NALF1: variants seen among roughly 807,000 people sequenced by gnomAD.
NALF1 encodes NALCN channel auxiliary factor 1, also known as family with sequence similarity 155 member A.
In NALF1, 3 loss-of-function variants were observed where a neutral mutation model predicts 48.4. The observed-to-expected ratio is 0.06, with a 90% CI of 0.03 to 0.16. The LOEUF (loss-of-function observed/expected upper bound fraction) is 0.16, where lower values mean the gene tolerates loss of function less well. Ranked by LOEUF, NALF1 falls within the 10% of genes least tolerant of loss-of-function variation. NALF1 has a pLI of 1.00. For missense variants in NALF1, 526 were observed against 571.5 expected (o/e 0.92, Z 0.81); for synonymous variants, 262 against 245.7 (o/e 1.07, Z -0.62).
chr13:107,356,973 C>G (rs990348219), intron 1 of NALF1, among the ~76,000 whole-genome samples: 1 of 152,114 alleles, frequency 6.6e-6, no homozygotes, highest in Non-Finnish European at 1.5e-5. Context: ...ACTGTTGCAA[C>G]AAACATTTGG....
chr13:107,759,702 C>G (rs1877211460), intron 1 of NALF1, among the ~76,000 whole-genome samples: 1 of 152,126 alleles, frequency 6.6e-6, no homozygotes, highest in Non-Finnish European at 1.5e-5. Context: ...CCTTACTGTT[C>G]AGTGTCTCTG....
chr13:107,751,518 A>G (rs900739950), intron 1 of NALF1, among the ~76,000 whole-genome samples: 8 of 152,230 alleles, frequency 5.3e-5, no homozygotes, highest in East Asian at 1.9e-4. Flanking sequence ...CACTGCATAC[A>G]TGCACAATTT....
At chr13:107,538,976 T>C (rs1214209700) in intron 1 of NALF1, among the ~76,000 whole-genome samples, 1 of 149,818 alleles carries the variant, frequency 6.7e-6, no homozygotes, top group Non-Finnish European at 1.5e-5. Flanking sequence ...TTCATTCATT[T>C]TGCTCTCAAA....
intron 1 of NALF1, among the ~76,000 whole-genome samples, chr13:107,581,385 C>T (rs949652276): frequency 2.6e-5 from 4 of 152,166 alleles, no homozygotes; most frequent in Non-Finnish European, 5.9e-5. Flanking sequence ...CTTTGAGCTT[C>T]CTACTTAGCA....
intron 1 of NALF1, among the ~76,000 whole-genome samples, chr13:107,698,187 T>G (rs998613040): frequency 1.4e-4 from 21 of 152,312 alleles, no homozygotes; most frequent in Non-Finnish European, 2.2e-4. Flanking sequence ...TGATAGAAAT[T>G]TAAGTTGTTT....
intron 1 of NALF1, among the ~76,000 whole-genome samples, chr13:107,235,785 A>G (rs560596495): frequency 6.6e-6 from 1 of 152,320 alleles, no homozygotes; most frequent in East Asian, 1.9e-4. Flanking sequence ...CTTTCCATCA[A>G]GCATTTTCTA....
rs9559076 is a variant in NALF1 at position 107,586,366 on chromosome 13, T to C, written c.915+279316A>G. On this transcript the variant is annotated intron_variant, in intron 1 of 2. Transcript: ENST00000375915. ...TACTAATAAAGATCCTGGCAGTCAATGCAGCTTGAAGACATATGAGTCTAC... is the reference window on the plus strand; with the variant it reads ...TACTAATAAAGATCCTGGCAGTCAACGCAGCTTGAAGACATATGAGTCTAC... Among the ~76,000 whole-genome samples the C allele has an allele frequency of 0.02, 3,116 of 152,180 alleles. 213 individuals carry two copies. The East Asian group carries it at 0.26, about 13-fold the overall frequency.
At chr13:107,346,339 A>G (rs559240623) in intron 1 of NALF1, among the ~76,000 whole-genome samples, 2 of 152,350 alleles carry the variant, frequency 1.3e-5, no homozygotes, top group South Asian at 2.1e-4. Flanking sequence ...TGTTCACTAC[A>G]GCATTATACG....
At chr13:107,429,258 G>C (rs1339420528) in intron 1 of NALF1, among the ~76,000 whole-genome samples, 1 of 151,424 alleles carries the variant, frequency 6.6e-6, no homozygotes, top group Non-Finnish European at 1.5e-5. Context: ...GGACATGGAG[G>C]TTGCAGTGAG....
chr13:107,751,038 A>AAT (rs1876924085), intron 1 of NALF1, among the ~76,000 whole-genome samples: 1 of 152,254 alleles, frequency 6.6e-6, no homozygotes, highest in Admixed American at 6.5e-5. Context: ...ATCTCTTTCA[A>AAT]CTACAAAATG....
At chr13:107,560,494 A>G (rs1360004062) in intron 1 of NALF1, among the ~76,000 whole-genome samples, 2 of 152,128 alleles carry the variant, frequency 1.3e-5, no homozygotes, top group African/African-American at 4.8e-5. Context: ...GGTTTCTTTC[A>G]GTACTTTAAA....
At chr13:107,250,102 T>C (rs879618486) in intron 1 of NALF1, among the ~76,000 whole-genome samples, 19 of 151,564 alleles carry the variant, frequency 1.3e-4, no homozygotes, top group African/African-American at 3.4e-4. Context: ...TTTTTTTTTT[T>C]CCCAAGTTCC....
chr13:107,337,388 G>C (rs1191242840), intron 1 of NALF1, among the ~76,000 whole-genome samples: 1 of 152,096 alleles, frequency 6.6e-6, no homozygotes, highest in Admixed American at 6.6e-5. Flanking sequence ...AAACATTTAT[G>C]TTTAAATTCT....
intron 1 of NALF1, among the ~76,000 whole-genome samples, chr13:107,786,991 A>G (rs541269318): frequency 6.6e-6 from 1 of 152,298 alleles, no homozygotes; most frequent in East Asian, 1.9e-4. Flanking sequence ...TGAAGTTCAG[A>G]GAGATTCATA....
Position 107,362,866 on chromosome 13 carries a change from G to A in NALF1, c.916-152111C>T, listed in dbSNP as rs1049146443. On this transcript the variant is annotated intron_variant, in intron 1 of 2. Transcript: ENST00000375915. This position sits in a 1 kb window ranked among gnomAD's most constrained non-coding sequence, Gnocchi z 4.6. Reference sequence around the variant, plus strand: ...TTTGGCAGGTCTAAAGTAAGTGGAGGGATTGGGTTATCTATACATACCTTT... The same window carrying A: ...TTTGGCAGGTCTAAAGTAAGTGGAGAGATTGGGTTATCTATACATACCTTT... 6.6e-6 allele frequency among the ~76,000 whole-genome samples: 1 copy of A among 152,078 alleles called. No individual in the cohort carries two copies. Among genetic ancestry groups the A allele is most frequent in the Non-Finnish European group, 1.5e-5 (1 of 68,026 alleles).
At chr13:107,421,241 T>C in intron 1 of NALF1, among the ~76,000 whole-genome samples, 1 of 152,160 alleles carries the variant, frequency 6.6e-6, no homozygotes, top group African/African-American at 2.4e-5. Context: ...ATTCATAACC[T>C]TCCAAAGCCC....
intron 1 of NALF1, among the ~76,000 whole-genome samples, chr13:107,661,183 C>A (rs956391917): frequency 6.6e-6 from 1 of 152,144 alleles, no homozygotes; most frequent in Non-Finnish European, 1.5e-5. Flanking sequence ...ATTTCTTGAG[C>A]AACTTTGTGT....
At chr13:107,336,384 ATAATAATAAAAAATC>A (rs1414929200) in intron 1 of NALF1, among the ~76,000 whole-genome samples, 1 of 126,438 alleles carries the variant, frequency 7.9e-6, no homozygotes, top group Non-Finnish European at 1.7e-5. Flanking sequence ...AATAATAATA[ATAATAATAAAAAATC>A]TAATATCTTC....
chr13:107,176,768 C>T (rs1367717091), intron 2 of NALF1, among the ~76,000 whole-genome samples: 2 of 151,960 alleles, frequency 1.3e-5, no homozygotes, highest in Non-Finnish European at 2.9e-5. Context: ...AATCAGAATT[C>T]ATTATCAGGG....
Sources: gnomAD v4.1 joint callset for allele counts (sites outside exome capture counted in the v4.1 genomes callset) on GRCh38, gnomAD v4.1.1 for gene constraint, Gnocchi (gnomAD v3.1) non-coding constraint, MANE v1.5 for transcripts, NCBI Gene and HGNC (gene_info 2026-07-23, HGNC 2026-07-21) for gene names.